Variants in PREX1 observed in about 807,000 individuals in gnomAD.
PREX1 encodes phosphatidylinositol 3,4,5-trisphosphate-dependent Rac exchanger 1 protein.
In PREX1, 41 loss-of-function variants were observed where a neutral mutation model predicts 198.3. The observed-to-expected ratio is 0.21, with a 90% CI of 0.16 to 0.27. The LOEUF is 0.27. Ranked by LOEUF, PREX1 falls within the 10% of genes least tolerant of loss-of-function variation. The probability of loss-of-function intolerance (pLI) is 1.00; values close to 1 mark genes in which losing one functional copy is unlikely to be tolerated. For synonymous variants in PREX1, 843 were observed against 887.2 expected (o/e 0.95, Z 0.89); for missense variants, 1,620 against 2,200.7 (o/e 0.74, Z 5.28).
the PREX1 span, among the ~76,000 whole-genome samples, chr20:48,886,712 T>A: frequency 6.6e-6 from 1 of 152,236 alleles, no homozygotes; most frequent in East Asian, 1.9e-4. Flanking sequence ...GCACTCTTCT[T>A]AGCTTTTACA....
chr20:48,732,713 G>A (rs765152996), intron 4 of PREX1, among the ~76,000 whole-genome samples: 18 of 152,176 alleles, frequency 1.2e-4, no homozygotes, highest in Non-Finnish European at 2.5e-4. Context: ...TGGGCACATG[G>A]CTGCTCAGAA....
At chr20:48,821,180 C>T (rs1423378271) in intron 1 of PREX1, among the ~76,000 whole-genome samples, 2 of 151,912 alleles carry the variant, frequency 1.3e-5, no homozygotes, top group Non-Finnish European at 2.9e-5. Context: ...CCAGACTGGG[C>T]GACAGTACAA....
chr20:48,661,182 G>A (rs1211721134), intron 15 of PREX1, among the ~76,000 whole-genome samples: 3 of 151,796 alleles, frequency 2.0e-5, no homozygotes, highest in Non-Finnish European at 4.4e-5. Context: ...ACTTTGAGAG[G>A]TCGAGGCAGG....
chr20:48,658,273 G>A, intron 16 of PREX1, 45 bp from the exon 17 acceptor site: 9 of 1,594,634 alleles, frequency 5.6e-6, no homozygotes, highest in Non-Finnish European at 7.7e-6. Flanking sequence ...AGCGAGGTGG[G>A]CCTACGGCCA....
At chr20:48,804,593 G>A (rs1004203468) in intron 1 of PREX1, among the ~76,000 whole-genome samples, 6 of 152,188 alleles carry the variant, frequency 3.9e-5, no homozygotes, top group Non-Finnish European at 5.9e-5. Context: ...GGGAGGCAGC[G>A]GGGGCTCAGA....
At position 48,636,562 on chromosome 20, in the gene PREX1, G is replaced by A. The variant is rs760052791; in HGVS notation, c.4068C>T (p.Tyr1356=). The A allele has an allele frequency of 7.4e-6, 12 of 1,611,542 alleles. No homozygotes were observed. Among genetic ancestry groups the A allele is most frequent in the South Asian group, 2.2e-5 (2 of 91,050 alleles). ...LGYRYNNNGE[Y]EESSRDASRK... is the part of the protein sequence containing the mutation. ...GGCTGGCGTCGCGGCTGCTCTCCTC[G>A]TACTCGCCATTGTTGTTGTAGCGGT... The change falls in exon 32 of 40, where the codon TAC becomes TAT. Residue 1356 remains tyrosine, a synonymous_variant. Coordinates refer to ENST00000371941, the MANE Select transcript of PREX1 (RefSeq NM_020820.4).
chr20:48,657,288 C>A, intron 17 of PREX1, 100 bp from the exon 18 acceptor site: 1 of 1,392,306 alleles, frequency 7.2e-7, no homozygotes. Context: ...GGGTGCTGGC[C>A]CAAGGGATCC....
intron 5 of PREX1, among the ~76,000 whole-genome samples, chr20:48,724,712 G>T (rs2090002018): frequency 6.6e-6 from 1 of 152,202 alleles, no homozygotes; most frequent in Admixed American, 6.5e-5. Flanking sequence ...CCACAGTTTT[G>T]CCCACCCTGT....
intron 1 of PREX1, chr20:48,821,560 G>C (rs1220589659): frequency 6.6e-6 from 1 of 152,294 alleles, no homozygotes; most frequent in Non-Finnish European, 1.5e-5. Context: ...CAGCATGCCT[G>C]TGTCTGTTGG....
At chr20:48,801,749 T>A (rs576484611) in intron 1 of PREX1, among the ~76,000 whole-genome samples, 4 of 152,276 alleles carry the variant, frequency 2.6e-5, no homozygotes, top group Admixed American at 2.6e-4. Flanking sequence ...TGAAATCTGG[T>A]CCCCAGTGAG....
At chr20:48,869,116 C>A in the PREX1 span, among the ~76,000 whole-genome samples, 3 of 152,090 alleles carry the variant, frequency 2.0e-5, no homozygotes, top group Admixed American at 2.0e-4. Context: ...CTCAAGTGAT[C>A]CTCCTGCCTT....
intron 16 of PREX1, 135 bp from the exon 17 acceptor site, chr20:48,658,363 G>A (rs2089562057): frequency 1.2e-6 from 1 of 805,586 alleles, no homozygotes; most frequent in Non-Finnish European, 2.0e-6. Context: ...GGGCGAGACA[G>A]AGCAAAACGC....
chr20:48,873,399 T>C, the PREX1 span, among the ~76,000 whole-genome samples: 1 of 150,620 alleles, frequency 6.6e-6, no homozygotes, highest in African/African-American at 2.4e-5. Flanking sequence ...AATACAGGAG[T>C]GCAGTCTTAT....
Position 48,779,392 on chromosome 20 carries a change from G to C in PREX1, c.220-31512C>G, listed in dbSNP as rs537702348. 7.2e-5 allele frequency among the ~76,000 whole-genome samples: 11 copies of C among 152,290 alleles called. No individual in the cohort carries two copies. In the South Asian group the frequency reaches 2.1e-3, roughly 29 times the overall value. On this transcript the variant is annotated intron_variant, in intron 1 of 39. Coordinates refer to ENST00000371941, the MANE Select transcript of PREX1 (RefSeq NM_020820.4). ...CAGAATCTCTCCTATACTGCTGTGG[G>C]GAAAGTAAATTAGTACAGCATCTTT...
At chr20:48,650,721 C>T (rs73326941) in intron 23 of PREX1, among the ~76,000 whole-genome samples, 173 bp downstream of exon 23, 1 of 152,226 alleles carries the variant, frequency 6.6e-6, no homozygotes, top group Non-Finnish European at 1.5e-5. Context: ...AGAGGCCGCA[C>T]TGCTATGATG....
chr20:48,681,000 G>A (rs1020550188), intron 11 of PREX1, among the ~76,000 whole-genome samples: 2 of 152,134 alleles, frequency 1.3e-5, no homozygotes, highest in Non-Finnish European at 2.9e-5. Flanking sequence ...TTTCTTGAAG[G>A]GACAGATAAA....
chr20:48,627,824 C>A, intron 38 of PREX1, 37 bp downstream of exon 38: 2 of 1,585,972 alleles, frequency 1.3e-6, no homozygotes, highest in Middle Eastern at 1.9e-4. Context: ...GCCCTCAGCC[C>A]AGGGTGCTGG....
At chr20:48,789,163 T>C (rs1193435422) in intron 1 of PREX1, among the ~76,000 whole-genome samples, 1 of 152,198 alleles carries the variant, frequency 6.6e-6, no homozygotes, top group Non-Finnish European at 1.5e-5. Context: ...AGTTCGGCCA[T>C]GTCTACCCCT....
chr20:48,820,803 A>G (rs1044188283), intron 1 of PREX1, among the ~76,000 whole-genome samples: 12 of 152,162 alleles, frequency 7.9e-5, no homozygotes, highest in African/African-American at 2.9e-4. Context: ...CACAGCAAAG[A>G]ATGGTCCAGC....
Sources: allele counts gnomAD v4.1 joint callset (sites outside exome capture counted in the v4.1 genomes callset), GRCh38; gene constraint gnomAD v4.1.1; transcripts MANE v1.5; gene names NCBI Gene and HGNC (gene_info 2026-07-23, HGNC 2026-07-21).